WWOX: variants seen among roughly 807,000 people sequenced by gnomAD.
The protein encoded by WWOX is WW domain containing oxidoreductase, also known as WW domain-containing oxidoreductase.
WWOX carries 69 observed loss-of-function variants against 46.2 expected under a neutral mutation model. The observed-to-expected ratio is 1.49, with a 90% confidence interval of 1.23 to 1.82. The LOEUF (loss-of-function observed/expected upper bound fraction) is 1.82, where lower values mean the gene tolerates loss of function less well. WWOX is among the 40% of genes most tolerant of loss of function. The probability of loss-of-function intolerance (pLI) is 0.00; values close to 1 mark genes in which losing one functional copy is unlikely to be tolerated. For missense variants in WWOX, 919 were observed against 542.6 expected (o/e 1.69, Z -6.89); for synonymous variants, 359 against 202.6 (o/e 1.77, Z -6.56).
chr16:79,116,516 C>G (rs1368425023), intron 8 of WWOX, among the ~76,000 whole-genome samples: 1 of 152,192 alleles, frequency 6.6e-6, no homozygotes, highest in South Asian at 2.1e-4. Flanking sequence ...CAAGAAATCA[C>G]TTTCTTTGCT....
intron 8 of WWOX, among the ~76,000 whole-genome samples, chr16:79,199,293 C>G (rs1420632588): frequency 6.6e-6 from 1 of 152,150 alleles, no homozygotes; most frequent in Non-Finnish European, 1.5e-5. Flanking sequence ...GAACTCCTGA[C>G]CTCAAGTGAT....
rs2080956501 is a variant in WWOX, at chr16:78,339,113, A to G, written c.517-47747A>G. On this transcript the variant is annotated intron_variant, in intron 5 of 8. Transcript: ENST00000566780. ...TGATGTGCATCTTTTTTATTTCTGCATCATATCCATATAGTGATATCATGT... is the reference window on the plus strand; with the variant it reads ...TGATGTGCATCTTTTTTATTTCTGCGTCATATCCATATAGTGATATCATGT... Among the ~76,000 whole-genome samples the G allele has an allele frequency of 2.5e-5, 3 of 120,304 alleles. 1 individual carries two copies. Among genetic ancestry groups the G allele is most frequent in the Admixed American group, 1.6e-4 (2 of 12,306 alleles). 78.9% of individuals were successfully genotyped at this position (120,304 alleles called of 152,430 possible). A position where few individuals can be genotyped will look rare whatever the true frequency, so the allele number is the denominator to read the frequency against.
chr16:78,457,291 TTAAA>T (rs1253028279), intron 8 of WWOX, among the ~76,000 whole-genome samples: 1 of 152,148 alleles, frequency 6.6e-6, no homozygotes, highest in Non-Finnish European at 1.5e-5. Flanking sequence ...TTGCACGACT[TTAAA>T]TAAAGCAGCA....
intron 8 of WWOX, among the ~76,000 whole-genome samples, chr16:78,843,878 C>T (rs987340231): frequency 9.9e-5 from 15 of 152,118 alleles, no homozygotes; most frequent in Non-Finnish European, 2.1e-4. Context: ...TTCTCTGAAG[C>T]GCTGCATCCT....
intron 8 of WWOX, among the ~76,000 whole-genome samples, chr16:78,690,717 G>C (rs939428084): frequency 6.6e-6 from 1 of 152,120 alleles, no homozygotes. Flanking sequence ...GTCACAGCCT[G>C]GATGCATGTA....
At chr16:78,543,509 C>G (rs1468382830) in intron 8 of WWOX, among the ~76,000 whole-genome samples, 1 of 152,194 alleles carries the variant, frequency 6.6e-6, no homozygotes, top group Admixed American at 6.5e-5. Context: ...CACCCATGCA[C>G]CTTACACAGA....
rs188525330 is a variant in WWOX at position 79,066,797 on chromosome 16, C to T, written c.1057-144811C>T. 5.1e-4 allele frequency among the ~76,000 whole-genome samples: 77 copies of T among 152,318 alleles called. 1 individual carries two copies. Among genetic ancestry groups the T allele is most frequent in the Non-Finnish European group, 9.0e-4 (61 of 68,024 alleles). Reference sequence around the variant, plus strand: ...CCCTCTGGCAATGGTCCAGGTCAAACGAGGTACCATACAAATGTGGCTTGT... The same window carrying T: ...CCCTCTGGCAATGGTCCAGGTCAAATGAGGTACCATACAAATGTGGCTTGT... On this transcript the variant is annotated intron_variant, in intron 8 of 8. Coordinates refer to ENST00000566780, the MANE Select transcript of WWOX (RefSeq NM_016373.4).
intron 5 of WWOX, among the ~76,000 whole-genome samples, chr16:78,200,116 G>A (rs1045655150): frequency 3.9e-5 from 6 of 152,014 alleles, no homozygotes; most frequent in Admixed American, 6.6e-5. Flanking sequence ...ACTGAGTGTC[G>A]CCAAGAGATT....
chr16:79,033,350 A>C (rs2047803058), intron 8 of WWOX, among the ~76,000 whole-genome samples: 1 of 149,104 alleles, frequency 6.7e-6, no homozygotes, highest in Non-Finnish European at 1.5e-5. Context: ...CATATACATA[A>C]TATATACATA....
At chr16:78,509,426 G>T (rs1265540777) in intron 8 of WWOX, among the ~76,000 whole-genome samples, 1 of 134,184 alleles carries the variant, frequency 7.5e-6, no homozygotes, top group African/African-American at 2.7e-5. Context: ...GTGACAGAGC[G>T]AGACTCAGTC....
chr16:78,109,531 T>G (rs900971439), intron 2 of WWOX, among the ~76,000 whole-genome samples: 1 of 152,208 alleles, frequency 6.6e-6, no homozygotes, highest in Non-Finnish European at 1.5e-5. Context: ...GTATGGTTTA[T>G]AGAGCGATCA....
At chr16:79,087,179 G>C (rs1210121952) in intron 8 of WWOX, among the ~76,000 whole-genome samples, 2 of 152,156 alleles carry the variant, frequency 1.3e-5, no homozygotes, top group East Asian at 3.9e-4. Flanking sequence ...GAACAGTCTG[G>C]GGGAAATGCC....
chr16:78,332,299 T>C (rs916859266), intron 5 of WWOX, among the ~76,000 whole-genome samples: 2 of 152,188 alleles, frequency 1.3e-5, no homozygotes, highest in Admixed American at 6.5e-5. Context: ...CTAAAATCCT[T>C]CCCAGAGAAT....
intron 8 of WWOX, among the ~76,000 whole-genome samples, chr16:78,920,429 C>A (rs1396969290): frequency 6.6e-6 from 1 of 152,160 alleles, no homozygotes. Context: ...TCCTAAGGTC[C>A]CAGCCACCTA....
At chr16:79,181,138 C>T (rs566431181) in intron 8 of WWOX, among the ~76,000 whole-genome samples, 12 of 152,280 alleles carry the variant, frequency 7.9e-5, no homozygotes, top group Admixed American at 2.0e-4. Context: ...CTTCTGTGAC[C>T]GTGCAAACAT....
At chr16:78,522,510 G>A (rs1193815444) in intron 8 of WWOX, among the ~76,000 whole-genome samples, 3 of 152,116 alleles carry the variant, frequency 2.0e-5, no homozygotes, top group Non-Finnish European at 4.4e-5. Flanking sequence ...GTCTTCTTCA[G>A]AAGCTGTCAT....
intron 8 of WWOX, among the ~76,000 whole-genome samples, chr16:79,172,109 G>C (rs777497397): frequency 1.3e-5 from 2 of 152,168 alleles, no homozygotes; most frequent in African/African-American, 2.4e-5. Context: ...CATGTAGCAG[G>C]TGGAGGCCAG....
chr16:78,630,698 C>G (rs1349962146), intron 8 of WWOX, among the ~76,000 whole-genome samples: 1 of 152,194 alleles, frequency 6.6e-6, no homozygotes, highest in Admixed American at 6.5e-5. Context: ...TGTGATAAAT[C>G]TCAGCCATGA....
chr16:78,501,888 G>A (rs937741381), intron 8 of WWOX, among the ~76,000 whole-genome samples: 1 of 152,130 alleles, frequency 6.6e-6, no homozygotes, highest in Admixed American at 6.6e-5. Flanking sequence ...TTGCGGTGGG[G>A]TTGGGGTGGC....
Sources: gnomAD v4.1 joint callset for allele counts (sites outside exome capture counted in the v4.1 genomes callset) on GRCh38, gnomAD v4.1.1 for gene constraint, MANE v1.5 for transcripts, NCBI Gene and HGNC (gene_info 2026-07-23, HGNC 2026-07-21) for gene names.